DDX42: variants seen among roughly 807,000 people sequenced by gnomAD.
The protein encoded by DDX42 is ATP-dependent RNA helicase DDX42.
Under a neutral mutation model 101.5 loss-of-function variants are expected in DDX42, and 22 were observed. The observed-to-expected ratio is 0.22, with a 90% CI of 0.15 to 0.31. The LOEUF is 0.31. Among genes scored for constraint, DDX42 ranks in the 10% least tolerant of loss-of-function variants. The pLI is 1.00. For synonymous variants in DDX42, 402 were observed against 401.2 expected (o/e 1.00, Z -0.02); for missense variants, 849 against 1,199.9 (o/e 0.71, Z 4.32).
intron 1 of DDX42, among the ~76,000 whole-genome samples, chr17:63,778,500 C>T (rs1180327044): frequency 6.6e-6 from 1 of 152,140 alleles, no homozygotes; most frequent in African/African-American, 2.4e-5. Context: ...TCTCCTGGGC[C>T]AGACTGTGAA....
Position 63,808,864 on chromosome 17 carries a change from A to G in DDX42, c.1068A>G (p.Arg356=), listed in dbSNP as rs1007269838. 1 of 1,613,970 alleles carries G rather than the reference A, an allele frequency of 6.2e-7. No homozygotes were observed. Among genetic ancestry groups the G allele is most frequent in the African/African-American group, 1.3e-5 (1 of 74,904 alleles). ...CKRFGKAYNL[R]SVAVYGGGSM... ...GGTTTGGAAAAGCATATAATCTTCG[A>G]TCAGTGGCCGTATATGGAGGAGGGA... The change falls in exon 10 of 18, where the codon CGA becomes CGG. Residue 356 remains arginine (R), a synonymous_variant. Coordinates refer to ENST00000389924, the MANE Select transcript of DDX42 (RefSeq NM_203499.3).
rs757435317 is a variant in DDX42 at position 63,800,596 on chromosome 17, T to A, written c.600T>A (p.Leu200=). ...IAPTKKIIDP[L]PPIDHSEIDY... is the part of the protein sequence containing the mutation. Reference sequence around the variant, plus strand: ...CTACCAAAAAAATCATTGATCCTCTTCCCCCCATTGATCATTCAGAGGTAT... The same window carrying A: ...CTACCAAAAAAATCATTGATCCTCTACCCCCCATTGATCATTCAGAGGTAT... The change falls in exon 6 of 18, where the codon CTT becomes CTA. Residue 200 remains leucine (L), a synonymous_variant. Coordinates refer to ENST00000389924, the MANE Select transcript of DDX42 (RefSeq NM_203499.3). 24 of 1,613,962 alleles carry A rather than the reference T, an allele frequency of 1.5e-5. No homozygotes were observed. The African/African-American group carries it at 2.7e-4, about 18-fold the overall frequency.
chr17:63,776,561 T>A (rs542703788), intron 1 of DDX42, among the ~76,000 whole-genome samples: 4 of 152,196 alleles, frequency 2.6e-5, no homozygotes, highest in African/African-American at 4.8e-5. Context: ...GTAGCTGACA[T>A]ATTGAACAAG....
intron 1 of DDX42, among the ~76,000 whole-genome samples, chr17:63,786,750 T>C (rs1187359361): frequency 3.9e-5 from 6 of 152,268 alleles, no homozygotes; most frequent in Non-Finnish European, 8.8e-5. Flanking sequence ...CGATCTCAGC[T>C]CACTGCAACC....
chr17:63,795,384 G>A (rs1004395994), intron 3 of DDX42, among the ~76,000 whole-genome samples: 4 of 152,040 alleles, frequency 2.6e-5, no homozygotes, highest in Non-Finnish European at 4.4e-5. Context: ...AGGATCTCTC[G>A]CCCAAGCCAG....
Position 63,810,551 on chromosome 17 carries a change from G to A in DDX42, c.1291G>A (p.Asp431Asn). ...VRSIASHVRPDRQTLLFSATF... is the reference protein window; with the variant it reads ...VRSIASHVRPNRQTLLFSATF... ...ATCCATAGCAAGTCATGTTCGTCCT[G>A]ACAGGCAGAGTATGTATGAAGCACC... The change falls in exon 12 of 18, where the codon GAC (aspartate) becomes AAC (asparagine). Residue 431 changes from aspartate to asparagine, a missense_variant. Physicochemically the swap from Asp to Asn is conservative, Grantham distance 23. Transcript: ENST00000389924. 6.2e-7 allele frequency: 1 copy of A among 1,614,042 alleles called. No individual in the cohort carries two copies. Among genetic ancestry groups the A allele is most frequent in the Non-Finnish European group, 8.5e-7 (1 of 1,180,002 alleles).
In DDX42 at chr17:63,811,166, T is replaced by A; in HGVS notation, c.1391T>A (p.Ile464Asn). ...IDPIRVVQGDIGEANEDVTQI... is the reference protein window; with the variant it reads ...IDPIRVVQGDNGEANEDVTQI... ...CCTATTCGAGTGGTGCAGGGAGATATTGGAGAGGTAACCCTAAGCAGGGCT... is the reference window on the plus strand; with the variant it reads ...CCTATTCGAGTGGTGCAGGGAGATAATGGAGAGGTAACCCTAAGCAGGGCT... Residue 464 changes from isoleucine (I) to asparagine (N), a missense_variant, in exon 13 of 18, where the codon ATT becomes AAT. Ile to Asn is a moderately radical substitution (Grantham distance 149). Coordinates refer to ENST00000389924, the MANE Select transcript of DDX42 (RefSeq NM_203499.3). 1 of 1,613,542 alleles carries A rather than the reference T, an allele frequency of 6.2e-7. No homozygotes were observed. Among genetic ancestry groups the A allele is most frequent in the Non-Finnish European group, 8.5e-7 (1 of 1,179,712 alleles).
chr17:63,815,783 C>T, intron 16 of DDX42, 110 bp downstream of exon 16: 1 of 634,384 alleles, frequency 1.6e-6, no homozygotes, highest in Non-Finnish European at 2.7e-6. Context: ...AAAGCCCTGT[C>T]TAGAAGGGAA....
At position 63,813,459 on chromosome 17, in the gene DDX42, G is replaced by C. The variant is rs746099290; in HGVS notation, c.1902+5G>C. 4.3e-6 allele frequency: 7 copies of C among 1,612,038 alleles called. No homozygotes were observed. The South Asian group carries it at 6.6e-5, about 15-fold the overall frequency. The stretch of plus-strand genomic sequence containing the variant: ...CTCCTAGATCTGGCAATGCAGGTGA[G>C]GGGCTGGGCACACTTTCAATTGCTC... On this transcript the variant is annotated splice_donor_5th_base_variant and intron_variant, in intron 15 of 17. Coordinates refer to ENST00000389924, the MANE Select transcript of DDX42 (RefSeq NM_203499.3).
chr17:63,807,254 C>T (rs139849968), intron 8 of DDX42, among the ~76,000 whole-genome samples: 21 of 152,332 alleles, frequency 1.4e-4, no homozygotes, highest in African/African-American at 4.8e-4. Flanking sequence ...AATTCTCCTG[C>T]CTCGGCCTCC....
chr17:63,776,633 CTT>C (rs773294172), intron 1 of DDX42, among the ~76,000 whole-genome samples: 14 of 139,792 alleles, frequency 1.0e-4, no homozygotes, highest in Non-Finnish European at 9.3e-5. Flanking sequence ...ATAGTCTCAT[CTT>C]TTTTTTTTTT....
chr17:63,788,091 G>A (rs574073161), intron 2 of DDX42, among the ~76,000 whole-genome samples: 10 of 151,930 alleles, frequency 6.6e-5, no homozygotes, highest in Non-Finnish European at 1.0e-4. Flanking sequence ...TATTAGTAGA[G>A]ATGGGGTTTC....
intron 6 of DDX42, among the ~76,000 whole-genome samples, chr17:63,804,177 G>C (rs2039809780): frequency 6.6e-6 from 1 of 151,684 alleles, no homozygotes; most frequent in Non-Finnish European, 1.5e-5. Context: ...AGGCATGGTG[G>C]TGCATGCTTG....
chr17:63,777,421 G>A (rs955722382), intron 1 of DDX42, among the ~76,000 whole-genome samples: 4 of 151,924 alleles, frequency 2.6e-5, no homozygotes, highest in African/African-American at 9.7e-5. Context: ...AAGGGAGTTT[G>A]AGGAAGGAGA....
At chr17:63,784,258 A>G (rs2039521373) in intron 1 of DDX42, among the ~76,000 whole-genome samples, 1 of 152,220 alleles carries the variant, frequency 6.6e-6, no homozygotes, top group African/African-American at 2.4e-5. Flanking sequence ...CTTCAAAGCT[A>G]GTGGAAATTA....
At chr17:63,808,323 G>A (rs563525651) in intron 9 of DDX42, among the ~76,000 whole-genome samples, 2 of 152,200 alleles carry the variant, frequency 1.3e-5, no homozygotes, top group East Asian at 1.9e-4. Context: ...ACGGGCACAC[G>A]CCACCACACC....
At chr17:63,781,924 G>C (rs1412588916) in intron 1 of DDX42, among the ~76,000 whole-genome samples, 4 of 151,508 alleles carry the variant, frequency 2.6e-5, no homozygotes, top group African/African-American at 9.7e-5. Context: ...GCAGGAGAAT[G>C]GTGTGAACCC....
Position 63,802,713 on chromosome 17 carries a change from C to T in DDX42, c.621+2096C>T, listed in dbSNP as rs144067496. Among the ~76,000 whole-genome samples the T allele has an allele frequency of 3.0e-3, 461 of 151,972 alleles. 6 individuals carry two copies. Among genetic ancestry groups the T allele is most frequent in the African/African-American group, 0.011 (449 of 41,438 alleles). ...ATCACCTGAGGTCAGCAGTTTGAGACCAGCCTGACCAACATGGAGAAACCC... is the reference window on the plus strand; with the variant it reads ...ATCACCTGAGGTCAGCAGTTTGAGATCAGCCTGACCAACATGGAGAAACCC... On this transcript the variant is annotated intron_variant, in intron 6 of 17. Coordinates refer to ENST00000389924, the MANE Select transcript of DDX42 (RefSeq NM_203499.3).
At chr17:63,816,138 C>T (rs961485684) in intron 16 of DDX42, among the ~76,000 whole-genome samples, 1 of 152,142 alleles carries the variant, frequency 6.6e-6, no homozygotes, top group Admixed American at 6.5e-5. Flanking sequence ...ATTTCCAAGT[C>T]GGGAGCTAGT....
Sources: gnomAD v4.1 joint callset for allele counts (sites outside exome capture counted in the v4.1 genomes callset) on GRCh38, gnomAD v4.1.1 for gene constraint, MANE v1.5 for transcripts, NCBI Gene and HGNC (gene_info 2026-07-23, HGNC 2026-07-21) for gene names.